The following B3GAT2 variants were observed in gnomAD, a reference collection of about 807,000 sequenced individuals.
B3GAT2 encodes beta-1,3-glucuronyltransferase 2.
A neutral mutation model predicts 27.8 loss-of-function variants in B3GAT2; 26 were observed. That is an observed-to-expected ratio of 0.93 (90% CI 0.68 to 1.30). B3GAT2 has a LOEUF of 1.30. B3GAT2 is among the 50% of genes most tolerant of loss of function. The probability of loss-of-function intolerance (pLI) is 0.00; values close to 1 mark genes in which losing one functional copy is unlikely to be tolerated. For synonymous variants in B3GAT2, 218 were observed against 195.1 expected (o/e 1.12, Z -0.98); for missense variants, 458 against 459.0 (o/e 1.00, Z 0.02).
chr6:70,890,445 T>G (rs1772269115), intron 2 of B3GAT2, among the ~76,000 whole-genome samples: 2 of 152,210 alleles, frequency 1.3e-5, no homozygotes, highest in African/African-American at 2.4e-5. Flanking sequence ...AAGACCTGTA[T>G]GCTCCCAGCC....
At chr6:70,867,329 G>T (rs1434681573) in intron 2 of B3GAT2, among the ~76,000 whole-genome samples, 1 of 151,922 alleles carries the variant, frequency 6.6e-6, no homozygotes, top group Non-Finnish European at 1.5e-5. Flanking sequence ...AGATATGAGA[G>T]CAGAAACGAC....
chr6:70,956,942 T>C lies in B3GAT2; in HGVS notation c.-513A>G, dbSNP rs566089946. The C allele has an allele frequency of 9.9e-7, 1 of 1,012,296 alleles. No homozygotes were observed. Among genetic ancestry groups the C allele is most frequent in the East Asian group, 1.1e-4 (1 of 8,932 alleles). The allele number at this position is 1,012,296 out of a possible 1,614,324, so 62.7% of individuals were successfully genotyped here. On this transcript the variant is annotated 5_prime_UTR_variant, in exon 1 of 4. Transcript: ENST00000230053. ...TTCCTTCCTCACATTCCCGCCGGGGTGGCGAGGAGCGGGTGGAGACGCTGG... is the reference window on the plus strand; with the variant it reads ...TTCCTTCCTCACATTCCCGCCGGGGCGGCGAGGAGCGGGTGGAGACGCTGG...
rs568228256 is a variant in B3GAT2, at chr6:70,954,919, G to T, written c.591+920C>A. On this transcript the variant is annotated intron_variant, in intron 1 of 3. Coordinates refer to ENST00000230053, the MANE Select transcript of B3GAT2 (RefSeq NM_080742.3). Reference sequence around the variant, plus strand: ...CCCTGTGCCTGCCGGGGGCGGCGGGGGGGGGCGGTGCGCGCGTGGCCATCC... The same window carrying T: ...CCCTGTGCCTGCCGGGGGCGGCGGGTGGGGGCGGTGCGCGCGTGGCCATCC... Among the ~76,000 whole-genome samples, 6 of 151,760 alleles carry T rather than the reference G, an allele frequency of 4.0e-5. No homozygotes were observed. The Middle Eastern group carries it at 0.01, about 258-fold the overall frequency.
chr6:70,906,287 C>G lies in B3GAT2; in HGVS notation c.592-12015G>C, dbSNP rs180934548. Reference sequence around the variant, plus strand: ...TACTATTCCAGCACATTACAGTGATCGTACACCCCTATACTCTACCACGAC... The same window carrying G: ...TACTATTCCAGCACATTACAGTGATGGTACACCCCTATACTCTACCACGAC... On this transcript the variant is annotated intron_variant, in intron 1 of 3. Coordinates refer to ENST00000230053, the MANE Select transcript of B3GAT2 (RefSeq NM_080742.3). 1.9e-3 allele frequency among the ~76,000 whole-genome samples: 282 copies of G among 152,214 alleles called. 1 individual carries two copies. The highest frequency in any genetic ancestry group is 3.4e-3 in the Non-Finnish European group (234 of 68,018).
chr6:70,912,168 T>C (rs1772698917), intron 1 of B3GAT2, among the ~76,000 whole-genome samples: 1 of 152,134 alleles, frequency 6.6e-6, no homozygotes. Flanking sequence ...AGTAGTATAT[T>C]GAATATGAGT....
intron 1 of B3GAT2, among the ~76,000 whole-genome samples, chr6:70,913,944 T>C (rs1363791529): frequency 6.6e-6 from 1 of 152,202 alleles, no homozygotes; most frequent in Admixed American, 6.5e-5. Flanking sequence ...TTTATGATTA[T>C]GTCATGCGCT....
chr6:70,872,020 G>C lies in B3GAT2; in HGVS notation c.737-10042C>G, dbSNP rs980332023. Among the ~76,000 whole-genome samples, 4 of 151,684 alleles carry C rather than the reference G, an allele frequency of 2.6e-5. No homozygotes were observed. The East Asian group carries it at 5.8e-4, about 22-fold the overall frequency. ...TGTGAATTTCACAAACTCCTTTCTG[G>C]TATTAATTTCTGATTTCATTCCAGT... On this transcript the variant is annotated intron_variant, in intron 2 of 3. Transcript: ENST00000230053.
intron 1 of B3GAT2, 62 bp from the exon 2 acceptor site, chr6:70,894,334 T>A (rs1772343533): frequency 1.7e-5 from 24 of 1,393,812 alleles, no homozygotes; most frequent in South Asian, 2.8e-5. Flanking sequence ...AGGAAATGAA[T>A]GTGATCTATG....
intron 1 of B3GAT2, among the ~76,000 whole-genome samples, chr6:70,920,557 A>G (rs1487647187): frequency 2.0e-5 from 3 of 151,978 alleles, no homozygotes; most frequent in Non-Finnish European, 4.4e-5. Context: ...CATTTGGAGC[A>G]ACTCTCCATG....
Position 70,955,974 on chromosome 6 carries a change from C to G in B3GAT2, c.456G>C (p.Gly152=). 4.8e-6 allele frequency: 7 copies of G among 1,471,456 alleles called. No individual in the cohort carries two copies. Among genetic ancestry groups the G allele is most frequent in the Non-Finnish European group, 6.3e-6 (7 of 1,119,400 alleles). The allele number at this position is 1,471,456 out of a possible 1,614,324, so 91.1% of individuals were successfully genotyped here. A position where few individuals can be genotyped will look rare whatever the true frequency, so the allele number is the denominator to read the frequency against. Reference sequence around the variant, plus strand: ...TGCGCTGCTCAGTGGCGCGCGGCAGCCCGGGCCGCTTGTAGCGCCGCGGCG... The same window carrying G: ...TGCGCTGCTCAGTGGCGCGCGGCAGGCCGGGCCGCTTGTAGCGCCGCGGCG... ...VPTPRRYKRP[G]LPRATEQRNA... Residue 152 remains glycine (G), a synonymous_variant, in exon 1 of 4, where the codon GGG becomes GGC. Transcript: ENST00000230053.
At position 70,859,852 on chromosome 6, in the gene B3GAT2, C is replaced by CTAT. The variant is rs940803098; in HGVS notation, c.*1808_*1810dup. 5.3e-6 allele frequency: 1 copy of CTAT among 190,284 alleles called. No homozygotes were observed. Among genetic ancestry groups the CTAT allele is most frequent in the Non-Finnish European group, 1.1e-5 (1 of 92,908 alleles). The allele number at this position is 190,284 out of a possible 1,614,324, so 11.8% of individuals were successfully genotyped here. A position where few individuals can be genotyped will look rare whatever the true frequency, so the allele number is the denominator to read the frequency against. The stretch of plus-strand genomic sequence containing the variant: ...ACAAAGTTTATAGGATAATTTTAGA[C>CTAT]TATTTTACTTCCTAAAATTTTCTTA... On this transcript the variant is annotated 3_prime_UTR_variant, in exon 4 of 4. Transcript: ENST00000230053.
intron 1 of B3GAT2, among the ~76,000 whole-genome samples, chr6:70,905,841 C>G (rs919565441): frequency 6.6e-6 from 1 of 151,952 alleles, no homozygotes; most frequent in Non-Finnish European, 1.5e-5. Flanking sequence ...CATAATAATA[C>G]TTTTTCTTCT....
chr6:70,883,253 C>T (rs1389320989), intron 2 of B3GAT2, among the ~76,000 whole-genome samples: 2 of 152,100 alleles, frequency 1.3e-5, no homozygotes, highest in Admixed American at 6.6e-5. Context: ...AGCAGGGACT[C>T]GAACAGATAT....
chr6:70,916,160 C>A (rs566090767), intron 1 of B3GAT2, among the ~76,000 whole-genome samples: 9 of 151,892 alleles, frequency 5.9e-5, no homozygotes, highest in Admixed American at 2.6e-4. Flanking sequence ...CTCTTTGAGG[C>A]AGTTGGGAAT....
intron 1 of B3GAT2, among the ~76,000 whole-genome samples, chr6:70,922,877 T>A (rs751980850): frequency 3.3e-5 from 5 of 152,208 alleles, no homozygotes; most frequent in Non-Finnish European, 5.9e-5. Flanking sequence ...GTTGGATTTG[T>A]GAATCTGGCT....
chr6:70,866,897 T>C (rs531523931), intron 2 of B3GAT2, among the ~76,000 whole-genome samples: 1 of 152,304 alleles, frequency 6.6e-6, no homozygotes, highest in East Asian at 1.9e-4. Flanking sequence ...ATTATCACGA[T>C]AGTTAGACCA....
chr6:70,956,924 C>A lies in B3GAT2; in HGVS notation c.-495G>T. The A allele has an allele frequency of 2.0e-6, 2 of 1,014,992 alleles. No homozygotes were observed. The highest frequency in any genetic ancestry group is 2.4e-6 in the Non-Finnish European group (2 of 849,792). 62.9% of individuals were successfully genotyped at this position (1,014,992 alleles called of 1,614,324 possible). A position where few individuals can be genotyped will look rare whatever the true frequency, so the allele number is the denominator to read the frequency against. On this transcript the variant is annotated 5_prime_UTR_variant, in exon 1 of 4. It adds an upstream start codon to the 5' untranslated region. Transcript: ENST00000230053. ...GCGGCGGCGCTGGGGGCTTTCCTTC[C>A]TCACATTCCCGCCGGGGTGGCGAGG...
intron 1 of B3GAT2, among the ~76,000 whole-genome samples, chr6:70,920,460 C>G (rs1474747195): frequency 6.6e-6 from 1 of 152,220 alleles, no homozygotes; most frequent in African/African-American, 2.4e-5. Context: ...TGAGATGAAC[C>G]AGGTACCTCA....
chr6:70,934,886 TTTAA>T (rs1175100735), intron 1 of B3GAT2, among the ~76,000 whole-genome samples: 1 of 152,204 alleles, frequency 6.6e-6, no homozygotes, highest in African/African-American at 2.4e-5. Context: ...AGCTTTTATG[TTTAA>T]TAGTTAATTA....
Sources: allele counts gnomAD v4.1 joint callset (sites outside exome capture counted in the v4.1 genomes callset), GRCh38; gene constraint gnomAD v4.1.1; transcripts MANE v1.5; gene names NCBI Gene and HGNC (gene_info 2026-07-23, HGNC 2026-07-21).